Variants in TANK observed in about 807,000 individuals in gnomAD.
TANK encodes the protein TRAF family member associated NFKB activator.
In TANK, 15 loss-of-function variants were observed where a neutral mutation model predicts 43.6. That is an observed-to-expected ratio of 0.34 (90% CI 0.23 to 0.53). The LOEUF (loss-of-function observed/expected upper bound fraction) is 0.53. Among genes scored for constraint, TANK ranks in the 20% least tolerant of loss-of-function variants. The pLI, the probability that TANK is intolerant of heterozygous loss-of-function variation, is 0.94. For synonymous variants in TANK, 162 were observed against 178.2 expected, an observed-to-expected ratio of 0.91 and a Z score of 0.73; for missense variants, 417 against 498.6, an observed-to-expected ratio of 0.84 and a Z score of 1.56.
intron 4 of TANK, among the ~76,000 whole-genome samples, chr2:161,218,615 G>A (rs1687219277): frequency 6.6e-6 from 1 of 152,196 alleles, no homozygotes; most frequent in South Asian, 2.1e-4. Context: ...GACTGCTTGA[G>A]TCCAGAAATT....
chr2:161,156,039 C>A (rs1255511090), upstream of TANK: 1 of 979,548 alleles, frequency 1.0e-6, no homozygotes, highest in Non-Finnish European at 1.2e-6. Context: ...CACATTGAGT[C>A]CTTTTCATTT....
At chr2:161,138,804 G>T (rs1453292469) in intron 1 of TANK, among the ~76,000 whole-genome samples, 1 of 152,152 alleles carries the variant, frequency 6.6e-6, no homozygotes, top group African/African-American at 2.4e-5. Context: ...GTTCTGATTA[G>T]AATTTCATGA....
chr2:161,167,923 C>T (rs911179591), intron 1 of TANK, among the ~76,000 whole-genome samples: 10 of 151,912 alleles, frequency 6.6e-5, no homozygotes, highest in African/African-American at 2.2e-4. Context: ...CGTGCCTGGC[C>T]GCAACCAGGT....
At chr2:161,216,708 AAAG>A (rs1424279039) in intron 4 of TANK, among the ~76,000 whole-genome samples, 1 of 152,132 alleles carries the variant, frequency 6.6e-6, no homozygotes, top group Non-Finnish European at 1.5e-5. Flanking sequence ...TGCTAACAGA[AAAG>A]AAGACAAGTT....
intron 2 of TANK, among the ~76,000 whole-genome samples, chr2:161,194,800 T>C (rs1395873574): frequency 6.6e-6 from 1 of 152,200 alleles, no homozygotes; most frequent in African/African-American, 2.4e-5. Flanking sequence ...ATCCTTCATT[T>C]TCACATAAAA....
intron 2 of TANK, among the ~76,000 whole-genome samples, chr2:161,187,553 C>T (rs1391246414): frequency 6.6e-6 from 1 of 152,092 alleles, no homozygotes; most frequent in Non-Finnish European, 1.5e-5. Context: ...GCCAGAGCTC[C>T]AAAGTATATG....
chr2:161,196,046 C>T (rs1686132988), intron 2 of TANK, among the ~76,000 whole-genome samples: 1 of 152,110 alleles, frequency 6.6e-6, no homozygotes, highest in Non-Finnish European at 1.5e-5. Flanking sequence ...GATCACGCTG[C>T]TGCACTCCAG....
chr2:161,186,852 CA>C (rs1048987027), intron 2 of TANK, among the ~76,000 whole-genome samples: 11 of 152,122 alleles, frequency 7.2e-5, no homozygotes, highest in African/African-American at 2.7e-4. Context: ...TTGAAATGGG[CA>C]AAAGATCTGA....
intron 7 of TANK, among the ~76,000 whole-genome samples, chr2:161,234,679 TACCTATTATATAACAGAAGCA>T (rs1688091219): frequency 6.6e-6 from 1 of 152,222 alleles, no homozygotes; most frequent in African/African-American, 2.4e-5. Flanking sequence ...AAGGCCAAAC[TACCTATTATATAACAGAAGCA>T]AAGTAAGAAG....
chr2:161,166,795 C>CA (rs374193874), intron 1 of TANK, among the ~76,000 whole-genome samples: 1,695 of 140,484 alleles, frequency 0.012, 39 homozygotes, highest in African/African-American at 0.04. Context: ...AGCTCTGTCT[C>CA]AAAAAAAAAA....
chr2:161,176,991 A>G (rs1317258668), intron 1 of TANK, among the ~76,000 whole-genome samples: 1 of 151,974 alleles, frequency 6.6e-6, no homozygotes, highest in Non-Finnish European at 1.5e-5. Context: ...TCCTCTTTGC[A>G]TATTTATTTT....
At chr2:161,180,543 T>TAA (rs1318004071) in intron 2 of TANK, among the ~76,000 whole-genome samples, 1 of 152,190 alleles carries the variant, frequency 6.6e-6, no homozygotes, top group African/African-American at 2.4e-5. Flanking sequence ...CATGTTTCCA[T>TAA]ACGATCAAAG....
At chr2:161,175,126 GTT>G (rs1257046288) in intron 1 of TANK, among the ~76,000 whole-genome samples, 2 of 152,090 alleles carry the variant, frequency 1.3e-5, no homozygotes, top group African/African-American at 4.8e-5. Flanking sequence ...TATGCTTCAA[GTT>G]ACAGTTAATG....
At chr2:161,202,389 CTG>C (rs1319210115) in intron 2 of TANK, among the ~76,000 whole-genome samples, 2 of 151,794 alleles carry the variant, frequency 1.3e-5, no homozygotes, top group African/African-American at 4.8e-5. Context: ...TGGGGTTTCA[CTG>C]TGTTAACCAG....
chr2:161,140,201 A>G (rs1202772975), intron 1 of TANK, among the ~76,000 whole-genome samples: 3 of 152,182 alleles, frequency 2.0e-5, no homozygotes, highest in Non-Finnish European at 4.4e-5. Flanking sequence ...GTTCCTTGAA[A>G]TGTTTAAAGA....
intron 4 of TANK, 51 bp from the exon 5 acceptor site, chr2:161,223,864 G>A: frequency 8.0e-7 from 1 of 1,249,748 alleles, no homozygotes; most frequent in East Asian, 2.4e-5. Context: ...GACCTCATTT[G>A]AATTTGGGAG....
chr2:161,199,066 CTAAT>C (rs1489859027), intron 2 of TANK, among the ~76,000 whole-genome samples: 1 of 152,042 alleles, frequency 6.6e-6, no homozygotes, highest in Non-Finnish European at 1.5e-5. Context: ...TAGATTGTGT[CTAAT>C]TAGTTTCTAT....
intron 4 of TANK, chr2:161,207,989 A>C (rs1558996570): frequency 2.4e-6 from 2 of 835,568 alleles, no homozygotes; most frequent in African/African-American, 3.7e-5. Flanking sequence ...TCTATAATGA[A>C]TTAGTAAGTT....
chr2:161,184,861 T>C (rs983480887), intron 2 of TANK, among the ~76,000 whole-genome samples: 1 of 152,220 alleles, frequency 6.6e-6, no homozygotes, highest in Non-Finnish European at 1.5e-5. Context: ...GTTGTAAATT[T>C]GGATCTAGGC....
Sources: gnomAD v4.1 joint callset for allele counts (sites outside exome capture counted in the v4.1 genomes callset) on GRCh38, gnomAD v4.1.1 for gene constraint, MANE v1.5 for transcripts, NCBI Gene and HGNC (gene_info 2026-07-23, HGNC 2026-07-21) for gene names.